Variants in MGMT observed in about 807,000 individuals in gnomAD.
MGMT encodes the protein O-6-methylguanine-DNA methyltransferase.
MGMT carries 14 observed loss-of-function variants against 15.9 expected under a neutral mutation model. The observed-to-expected ratio is 0.88, with a 90% CI of 0.58 to 1.37. The LOEUF (loss-of-function observed/expected upper bound fraction) is 1.37, where lower values mean the gene tolerates loss of function less well. Among genes scored for constraint, MGMT ranks in the 40% most tolerant of loss-of-function variants. The probability of loss-of-function intolerance (pLI) is 0.00; values close to 1 mark genes in which losing one functional copy is unlikely to be tolerated. For missense variants in MGMT, 282 were observed against 268.1 expected, an observed-to-expected ratio of 1.05 and a Z score of -0.36; for synonymous variants, 130 against 118.2, an observed-to-expected ratio of 1.10 and a Z score of -0.65.
intron 2 of MGMT, among the ~76,000 whole-genome samples, chr10:129,592,107 C>T (rs368455877): frequency 1.3e-5 from 2 of 152,252 alleles, no homozygotes; most frequent in Admixed American, 6.5e-5. Flanking sequence ...GAAGGGTTTG[C>T]GTGTGACTCA....
chr10:129,645,996 C>A (rs1006503940), intron 2 of MGMT, among the ~76,000 whole-genome samples: 1 of 152,130 alleles, frequency 6.6e-6, no homozygotes, highest in Non-Finnish European at 1.5e-5. Flanking sequence ...ATGTTTGTGA[C>A]CAAGTCGTTT....
chr10:129,685,253 T>A (rs1847892656), intron 2 of MGMT, among the ~76,000 whole-genome samples: 1 of 152,246 alleles, frequency 6.6e-6, no homozygotes, highest in Non-Finnish European at 1.5e-5. Context: ...GAGCATGTAA[T>A]GACTTGAACA....
chr10:129,582,291 C>G (rs1022946063), intron 2 of MGMT, among the ~76,000 whole-genome samples: 1 of 152,184 alleles, frequency 6.6e-6, no homozygotes, highest in Non-Finnish European at 1.5e-5. Context: ...GTGATCTGAA[C>G]AAGCCGTTGA....
intron 3 of MGMT, among the ~76,000 whole-genome samples, chr10:129,741,111 G>T (rs1023627582): frequency 6.6e-6 from 1 of 152,076 alleles, no homozygotes; most frequent in Non-Finnish European, 1.5e-5. Context: ...CTCTGTTTTG[G>T]CAAACTTTCT....
rs1434705199 is a variant in MGMT at position 129,517,137 on chromosome 10, T to C, written c.-12-19104T>C. ...AGAAGGCCTTAGGGACACCTTAGAA[T>C]GGGAGGAGAGGTCATAGCTGGAGCT... On this transcript the variant is annotated intron_variant, in intron 1 of 4. Transcript: ENST00000651593. 3.9e-5 allele frequency among the ~76,000 whole-genome samples: 6 copies of C among 152,098 alleles called. No individual in the cohort carries two copies. In the East Asian group the frequency reaches 5.8e-4, roughly 15 times the overall value.
At chr10:129,678,988 G>A (rs550472935) in intron 2 of MGMT, among the ~76,000 whole-genome samples, 7 of 151,548 alleles carry the variant, frequency 4.6e-5, no homozygotes, top group Non-Finnish European at 7.4e-5. Context: ...TGGGAGGATC[G>A]CTTGAACCCA....
At chr10:129,597,333 A>G (rs910214136) in intron 2 of MGMT, among the ~76,000 whole-genome samples, 1 of 152,190 alleles carries the variant, frequency 6.6e-6, no homozygotes, top group Non-Finnish European at 1.5e-5. Flanking sequence ...ATCAGTTGAG[A>G]ACCTTTGGGG....
At chr10:129,759,547 C>T (rs576511282) in intron 4 of MGMT, among the ~76,000 whole-genome samples, 2 of 152,170 alleles carry the variant, frequency 1.3e-5, no homozygotes, top group East Asian at 1.9e-4. Flanking sequence ...GAAGCTCCCC[C>T]CTACCGGGAG....
intron 2 of MGMT, among the ~76,000 whole-genome samples, chr10:129,662,518 G>A (rs1438820405): frequency 1.3e-5 from 2 of 152,084 alleles, no homozygotes; most frequent in Admixed American, 6.5e-5. Context: ...AAAAGAAAAA[G>A]CAAAGAAGAC....
At chr10:129,679,307 G>A (rs932939621) in intron 2 of MGMT, among the ~76,000 whole-genome samples, 5 of 152,052 alleles carry the variant, frequency 3.3e-5, no homozygotes, top group Non-Finnish European at 7.4e-5. Context: ...CCCCTCTGCT[G>A]TGGGACCCTG....
intron 3 of MGMT, among the ~76,000 whole-genome samples, chr10:129,727,022 AGATG>A (rs1483545633): frequency 2.0e-5 from 3 of 152,232 alleles, no homozygotes; most frequent in African/African-American, 7.2e-5. Context: ...GTGAAGTCAT[AGATG>A]AAGTTGTGAC....
chr10:129,673,794 G>A lies in MGMT; in HGVS notation c.126-34101G>A, dbSNP rs529961547. On this transcript the variant is annotated intron_variant, in intron 2 of 4. Coordinates refer to ENST00000651593, the MANE Select transcript of MGMT (RefSeq NM_002412.5). ...CTATGTTTTATGTGGTATTTAATGT[G>A]AGTTTAAATATGCTTACTAAATATG... is the stretch of plus-strand genomic sequence containing the variant. Among the ~76,000 whole-genome samples, 4 of 152,254 alleles carry A rather than the reference G, an allele frequency of 2.6e-5. No homozygotes were observed. In the East Asian group the frequency reaches 7.7e-4, roughly 29 times the overall value.
chr10:129,509,122 C>A (rs1028978566), intron 1 of MGMT, among the ~76,000 whole-genome samples: 1 of 152,150 alleles, frequency 6.6e-6, no homozygotes, highest in Non-Finnish European at 1.5e-5. Flanking sequence ...CTGGCTCCAC[C>A]AGGGTTCTCT....
At chr10:129,510,223 T>TA (rs1160943477) in intron 1 of MGMT, among the ~76,000 whole-genome samples, 1 of 152,180 alleles carries the variant, frequency 6.6e-6, no homozygotes, top group Non-Finnish European at 1.5e-5. Context: ...CGGTCTTTCA[T>TA]AGAGGCTAAA....
intron 2 of MGMT, among the ~76,000 whole-genome samples, chr10:129,680,502 A>C (rs546260876): frequency 6.6e-6 from 1 of 152,038 alleles, no homozygotes; most frequent in African/African-American, 2.4e-5. Flanking sequence ...CAGGAATTCT[A>C]CCGACTTTGG....
At chr10:129,688,446 G>A (rs1026411788) in intron 2 of MGMT, among the ~76,000 whole-genome samples, 7 of 152,148 alleles carry the variant, frequency 4.6e-5, no homozygotes, top group African/African-American at 1.7e-4. Context: ...GGCCAGTGAT[G>A]GTGAGCATTT....
At chr10:129,480,108 A>G (rs1028791212) in intron 1 of MGMT, among the ~76,000 whole-genome samples, 1 of 152,230 alleles carries the variant, frequency 6.6e-6, no homozygotes, top group African/African-American at 2.4e-5. Context: ...CTGGATGAAT[A>G]GAAGACAGCT....
intron 2 of MGMT, among the ~76,000 whole-genome samples, chr10:129,602,293 A>G (rs566545906): frequency 3.1e-4 from 47 of 152,202 alleles, no homozygotes; most frequent in African/African-American, 1.1e-3. Context: ...AGGCATGTTG[A>G]AAAGGAACGC....
At chr10:129,759,992 G>T (rs576724608) in intron 4 of MGMT, among the ~76,000 whole-genome samples, 2 of 152,218 alleles carry the variant, frequency 1.3e-5, no homozygotes, top group Non-Finnish European at 2.9e-5. Context: ...CTTCCCATGC[G>T]TCTGCAGTCA....
Sources: allele counts gnomAD v4.1 joint callset (sites outside exome capture counted in the v4.1 genomes callset), GRCh38; gene constraint gnomAD v4.1.1; transcripts MANE v1.5; gene names NCBI Gene and HGNC (gene_info 2026-07-23, HGNC 2026-07-21).